CCDC85A: variants seen among roughly 807,000 people sequenced by gnomAD.
The protein encoded by CCDC85A is coiled-coil domain containing 85A, also known as coiled-coil domain-containing protein 85A.
CCDC85A carries 38 observed loss-of-function variants against 50.2 expected under a neutral mutation model. That is an observed-to-expected ratio of 0.76 (90% CI 0.58 to 0.99). The LOEUF (loss-of-function observed/expected upper bound fraction) is 0.99. Among genes scored for constraint, CCDC85A ranks in the 50% least tolerant of loss-of-function variants. The pLI, the probability that CCDC85A is intolerant of heterozygous loss-of-function variation, is 0.00. For missense variants in CCDC85A, 820 were observed against 742.0 expected (o/e 1.11, Z -1.22); for synonymous variants, 366 against 301.4 (o/e 1.21, Z -2.22).
chr2:56,314,625 T>G (rs902905972), intron 2 of CCDC85A, among the ~76,000 whole-genome samples: 13 of 150,574 alleles, frequency 8.6e-5, no homozygotes, highest in Non-Finnish European at 1.9e-4. Context: ...CCATGGAATA[T>G]TTCTTCCCCC....
chr2:56,274,422 T>C (rs1406121222), intron 2 of CCDC85A, among the ~76,000 whole-genome samples: 3 of 152,148 alleles, frequency 2.0e-5, no homozygotes, highest in African/African-American at 7.2e-5. Flanking sequence ...TGTTTTAAGT[T>C]CAAAATCCAC....
intron 2 of CCDC85A, among the ~76,000 whole-genome samples, chr2:56,195,960 A>G (rs1429888557): frequency 6.6e-6 from 1 of 152,204 alleles, no homozygotes; most frequent in Non-Finnish European, 1.5e-5. Context: ...AAACACACAC[A>G]TATGCACACT....
intron 2 of CCDC85A, among the ~76,000 whole-genome samples, chr2:56,297,081 C>T (rs1671984528): frequency 6.6e-6 from 1 of 151,982 alleles, no homozygotes. Flanking sequence ...GCAAGCACTG[C>T]TTTTTTCTGG....
chr2:56,299,576 A>C (rs1291375718), intron 2 of CCDC85A, among the ~76,000 whole-genome samples: 1 of 152,106 alleles, frequency 6.6e-6, no homozygotes, highest in African/African-American at 2.4e-5. Context: ...AGCATTGAAC[A>C]TGAGAAAGAA....
chr2:56,217,581 T>A (rs1256028082), intron 2 of CCDC85A, among the ~76,000 whole-genome samples: 1 of 151,932 alleles, frequency 6.6e-6, no homozygotes, highest in Non-Finnish European at 1.5e-5. Context: ...ATTGTTTTAT[T>A]TCACTTTTTT....
At chr2:56,368,926 G>T (rs1174047846) in intron 3 of CCDC85A, among the ~76,000 whole-genome samples, 1 of 151,760 alleles carries the variant, frequency 6.6e-6, no homozygotes, top group Admixed American at 6.6e-5. Context: ...TTTTTAGGAA[G>T]AATTTTCATT....
intron 2 of CCDC85A, among the ~76,000 whole-genome samples, chr2:56,334,589 G>A (rs927422451): frequency 2.0e-5 from 3 of 152,298 alleles, no homozygotes; most frequent in Non-Finnish European, 2.9e-5. Flanking sequence ...CAGAATTAAA[G>A]GGATCAGCCT....
At chr2:56,348,108 C>G (rs1439519423) in intron 3 of CCDC85A, among the ~76,000 whole-genome samples, 1 of 152,204 alleles carries the variant, frequency 6.6e-6, no homozygotes, top group Non-Finnish European at 1.5e-5. Context: ...AGAGACTCGA[C>G]TAGAGACATG....
At position 56,385,566 on chromosome 2, in the gene CCDC85A, G is replaced by T. The variant is rs72803084; in HGVS notation, c.*1211G>T. 8.2e-3 allele frequency: 1,238 copies of T among 151,814 alleles called. 7 individuals are homozygous for T. Among genetic ancestry groups the T allele is most frequent in the Non-Finnish European group, 0.012 (799 of 67,784 alleles). 9.4% of individuals were successfully genotyped at this position (151,814 alleles called of 1,614,324 possible). A position where few individuals can be genotyped will look rare whatever the true frequency, so the allele number is the denominator to read the frequency against. ...CAAGAGGCCTGTGACCGAATGCTAC[G>T]TTTTTATGGTAGTTTAAGATTATAA... On this transcript the variant is annotated 3_prime_UTR_variant, in exon 6 of 6. Transcript: ENST00000407595.
chr2:56,348,159 T>G (rs1243347969), intron 3 of CCDC85A, among the ~76,000 whole-genome samples: 1 of 152,196 alleles, frequency 6.6e-6, no homozygotes, highest in Non-Finnish European at 1.5e-5. Flanking sequence ...ATTAAATACA[T>G]TTGTTAAAAG....
chr2:56,210,138 C>G (rs985093214), intron 2 of CCDC85A, among the ~76,000 whole-genome samples: 1 of 152,000 alleles, frequency 6.6e-6, no homozygotes. Context: ...ACTGTATGCT[C>G]GTTGGAAGTA....
chr2:56,369,268 G>A (rs942533754), intron 3 of CCDC85A, among the ~76,000 whole-genome samples: 2 of 152,036 alleles, frequency 1.3e-5, no homozygotes, highest in Non-Finnish European at 2.9e-5. Context: ...AGCAATAAGG[G>A]AAAGATAAAC....
chr2:56,296,570 G>A (rs1396143125), intron 2 of CCDC85A, among the ~76,000 whole-genome samples: 2 of 151,992 alleles, frequency 1.3e-5, no homozygotes, highest in African/African-American at 4.8e-5. Context: ...AATTTTGGCG[G>A]CTTTTGATGT....
At chr2:56,295,872 A>G (rs1428148754) in intron 2 of CCDC85A, among the ~76,000 whole-genome samples, 1 of 152,218 alleles carries the variant, frequency 6.6e-6, no homozygotes, top group Non-Finnish European at 1.5e-5. Flanking sequence ...AGCCACCAGT[A>G]TCACTGCCCA....
chr2:56,332,096 C>T (rs1357999862), intron 2 of CCDC85A, among the ~76,000 whole-genome samples: 1 of 152,178 alleles, frequency 6.6e-6, no homozygotes, highest in African/African-American at 2.4e-5. Context: ...GTGAAATGTT[C>T]AGGTGAAGTT....
chr2:56,283,735 T>C (rs1271286712), intron 2 of CCDC85A, among the ~76,000 whole-genome samples: 2 of 152,172 alleles, frequency 1.3e-5, no homozygotes, highest in Admixed American at 6.5e-5. Context: ...TGTAATGACA[T>C]ATCTTTCTGA....
chr2:56,345,816 C>G (rs1674606013), intron 3 of CCDC85A, among the ~76,000 whole-genome samples: 1 of 152,186 alleles, frequency 6.6e-6, no homozygotes, highest in South Asian at 2.1e-4. Context: ...GAAACTGTTT[C>G]TAACTATGAT....
chr2:56,314,095 C>T (rs1370866550), intron 2 of CCDC85A, among the ~76,000 whole-genome samples: 2 of 147,340 alleles, frequency 1.4e-5, no homozygotes, highest in African/African-American at 2.5e-5. Flanking sequence ...TAGTATGAAG[C>T]AGAAAAGACC....
intron 2 of CCDC85A, among the ~76,000 whole-genome samples, chr2:56,248,104 G>C (rs1300757196): frequency 6.6e-6 from 1 of 152,132 alleles, no homozygotes; most frequent in East Asian, 1.9e-4. Flanking sequence ...TTACCCGGAT[G>C]GCTATTTCTA....
Sources: gnomAD v4.1 joint callset for allele counts (sites outside exome capture counted in the v4.1 genomes callset) on GRCh38, gnomAD v4.1.1 for gene constraint, MANE v1.5 for transcripts, NCBI Gene and HGNC (gene_info 2026-07-23, HGNC 2026-07-21) for gene names.